Variants in ZNF410 observed in about 807,000 individuals in gnomAD.
ZNF410 encodes the protein zinc finger protein 410.
In ZNF410, 18 loss-of-function variants were observed where a neutral mutation model predicts 54.8. That is an observed-to-expected ratio of 0.33 (90% CI 0.23 to 0.49). ZNF410 has a LOEUF of 0.49. Ranked by LOEUF, ZNF410 falls within the 20% of genes least tolerant of loss-of-function variation. ZNF410 has a pLI of 0.99. For missense variants in ZNF410, 405 were observed against 569.6 expected, an observed-to-expected ratio of 0.71 and a Z score of 2.94; for synonymous variants, 191 against 207.3, an observed-to-expected ratio of 0.92 and a Z score of 0.68.
intron 8 of ZNF410, chr14:73,914,973 A>AGTGGTGAG (rs2055641819): frequency 6.7e-6 from 1 of 150,182 alleles, no homozygotes; most frequent in African/African-American, 2.4e-5. Flanking sequence ...GTTGAATAGA[A>AGTGGTGAG]GTGGTGAGGC....
intron 11 of ZNF410, chr14:73,928,072 T>G (rs976171869): frequency 6.5e-6 from 1 of 154,212 alleles, no homozygotes; most frequent in African/African-American, 2.4e-5. Flanking sequence ...CTCCTGACCT[T>G]AGGTGATCCA....
Position 73,932,049 on chromosome 14 carries a change from A to C in ZNF410, c.*508A>C. 2.2e-6 allele frequency: 1 copy of C among 456,248 alleles called. No individual in the cohort carries two copies. Among genetic ancestry groups the C allele is most frequent in the Non-Finnish European group, 4.4e-6 (1 of 226,646 alleles). The allele number at this position is 456,248 out of a possible 1,614,324, so 28.3% of individuals were successfully genotyped here. A position where few individuals can be genotyped will look rare whatever the true frequency, so the allele number is the denominator to read the frequency against. ...TTCTCCCTTTAGCAACCTGAGTAAG[A>C]GACTCTCTGCCACTGGGCTGCAAAA... On this transcript the variant is annotated 3_prime_UTR_variant, in exon 12 of 12. Coordinates refer to ENST00000555044, the MANE Select transcript of ZNF410 (RefSeq NM_021188.3).
rs1392705342 is a variant in ZNF410, at chr14:73,924,775, C to A, written c.1398+1253C>A. ...CACTGCAACCTCTGCCTCCCAGGTT[C>A]AAGCGATTCTCCTGCCTCAGCCTCC... On this transcript the variant is annotated intron_variant, in intron 11 of 11. Coordinates refer to ENST00000555044, the MANE Select transcript of ZNF410 (RefSeq NM_021188.3). The A allele has an allele frequency of 7.3e-6, 3 of 410,188 alleles. No homozygotes were observed. In the Admixed American group the frequency reaches 9.3e-5, roughly 13 times the overall value. The allele number at this position is 410,188 out of a possible 1,614,324, so 25.4% of individuals were successfully genotyped here.
intron 8 of ZNF410, chr14:73,920,731 G>T: frequency 2.3e-6 from 1 of 427,052 alleles, no homozygotes; most frequent in Admixed American, 3.7e-5. Flanking sequence ...GAGGTTTTGT[G>T]AAGGCAGCAT....
At chr14:73,887,719 A>G (rs2055165794) in intron 1 of ZNF410, among the ~76,000 whole-genome samples, 1 of 152,220 alleles carries the variant, frequency 6.6e-6, no homozygotes, top group South Asian at 2.1e-4. Context: ...GAGAAATTGC[A>G]CTTGGTTTTT....
intron 2 of ZNF410, chr14:73,893,563 C>A: frequency 2.4e-6 from 1 of 423,192 alleles, no homozygotes. Flanking sequence ...GACCATCATC[C>A]TATATGTGGT....
At chr14:73,922,611 C>T (rs1455324245) in intron 10 of ZNF410, 1 of 154,056 alleles carries the variant, frequency 6.5e-6, no homozygotes, top group Non-Finnish European at 1.4e-5. Context: ...AAAGAAAGGG[C>T]TCTCTAGGAA....
At chr14:73,896,581 T>C in intron 4 of ZNF410, 47 bp downstream of exon 4, 1 of 1,471,028 alleles carries the variant, frequency 6.8e-7, no homozygotes, top group Non-Finnish European at 9.4e-7. Flanking sequence ...AAGAAAAAAA[T>C]TAGGGGTGGG....
chr14:73,903,856 C>G lies in ZNF410; in HGVS notation c.581-104C>G, dbSNP rs1279212359. ...AACTGGGGAAGATGAAGATAGATAC[C>G]TGATTAATGATCACTAGGAGTAAAA... On this transcript the variant is annotated intron_variant, in intron 5 of 11. Coordinates refer to ENST00000555044, the MANE Select transcript of ZNF410 (RefSeq NM_021188.3). The G allele has an allele frequency of 1.7e-5, 24 of 1,420,596 alleles. No homozygotes were observed. In the East Asian group the frequency reaches 5.3e-4, roughly 31 times the overall value. The allele number at this position is 1,420,596 out of a possible 1,614,324, so 88.0% of individuals were successfully genotyped here.
At chr14:73,899,038 T>C (rs1251273584) in intron 5 of ZNF410, among the ~76,000 whole-genome samples, 1 of 152,210 alleles carries the variant, frequency 6.6e-6, no homozygotes, top group African/African-American at 2.4e-5. Flanking sequence ...CCTCTGTGTT[T>C]TCTCATTAAC....
chr14:73,904,930 G>A lies in ZNF410; in HGVS notation c.760G>A (p.Glu254Lys), dbSNP rs200194535. 311 of 1,614,020 alleles carry A rather than the reference G, an allele frequency of 1.9e-4. 1 individual carries two copies. Among genetic ancestry groups the A allele is most frequent in the Middle Eastern group, 9.9e-4 (6 of 6,080 alleles). ...TGACCGCTCCTTCATCTGTCCTGCA[G>A]AAGGTTGTGGGAAAAGCTTCTATGT... ...RNDRSFICPA[E>K]GCGKSFYVLQ... The change falls in exon 7 of 12, where the codon GAA becomes AAA. Residue 254 changes from glutamate to lysine, a missense_variant. Around this residue, in one of 3 missense-constraint regions of ZNF410, gnomAD observed 247 missense variants for 342.8 expected, o/e 0.72. Coordinates refer to ENST00000555044, the MANE Select transcript of ZNF410 (RefSeq NM_021188.3).
chr14:73,923,379 TTC>T lies in ZNF410; in HGVS notation c.1271-14_1271-13del. Reference sequence around the variant, plus strand: ...GGATTCACTTTTCATTGAAACATTTTTCTGTTGCTTCACAGAGGTGCTTGCTG... The same window carrying T: ...GGATTCACTTTTCATTGAAACATTTTTGTTGCTTCACAGAGGTGCTTGCTG... On this transcript the variant is annotated splice_polypyrimidine_tract_variant and intron_variant, in intron 10 of 11. Transcript: ENST00000555044. The T allele has an allele frequency of 6.2e-7, 1 of 1,608,842 alleles. No individual in the cohort carries two copies. The highest frequency in any genetic ancestry group is 1.1e-5 in the South Asian group (1 of 89,978).
intron 5 of ZNF410, among the ~76,000 whole-genome samples, chr14:73,901,656 T>C (rs998648435): frequency 1.3e-5 from 2 of 151,246 alleles, no homozygotes; most frequent in Admixed American, 6.6e-5. Flanking sequence ...TTTTGGCCGG[T>C]GCAGTGGCTC....
At chr14:73,913,253 A>G (rs1753744738) in intron 8 of ZNF410, 1 of 152,176 alleles carries the variant, frequency 6.6e-6, no homozygotes, top group Non-Finnish European at 1.5e-5. Flanking sequence ...AAGAAAAGTA[A>G]CAGGCAAGGC....
chr14:73,924,975 CCTT>C (rs1477664966), intron 11 of ZNF410, among the ~76,000 whole-genome samples: 3 of 152,314 alleles, frequency 2.0e-5, no homozygotes, highest in South Asian at 2.1e-4. Context: ...CTGCACCCAG[CCTT>C]CTTCTTTTCA....
chr14:73,916,144 T>G (rs1171179366), intron 8 of ZNF410: 1 of 149,108 alleles, frequency 6.7e-6, no homozygotes, highest in African/African-American at 2.5e-5. Context: ...AAGGGAGAGA[T>G]AGAGAAGGAG....
At chr14:73,919,886 G>GTT (rs1158550117) in intron 8 of ZNF410, among the ~76,000 whole-genome samples, 7,083 of 61,682 alleles carry the variant, frequency 0.11, 950 homozygotes, top group Non-Finnish European at 0.13. Context: ...TATTGTATAG[G>GTT]TTTTTTTTTT....
At chr14:73,913,061 C>G (rs1230440259) in intron 8 of ZNF410, 1 of 145,834 alleles carries the variant, frequency 6.9e-6, no homozygotes, top group Non-Finnish European at 1.5e-5. Flanking sequence ...TTTTTTTTTT[C>G]TTTTCTGTTT....
At chr14:73,905,330 G>GT (rs1353211237) in intron 7 of ZNF410, 5 of 382,324 alleles carry the variant, frequency 1.3e-5, no homozygotes, top group African/African-American at 8.2e-5. Context: ...AGGGAGAGCT[G>GT]TAAGACCTTC....
Sources: allele counts gnomAD v4.1 joint callset (sites outside exome capture counted in the v4.1 genomes callset), GRCh38; gene constraint gnomAD v4.1.1; regional missense constraint gnomAD v4.1.1; transcripts MANE v1.5; gene names NCBI Gene and HGNC (gene_info 2026-07-23, HGNC 2026-07-21).